The following MACROD2 variants were observed in gnomAD, a reference collection of about 807,000 sequenced individuals.
The protein encoded by MACROD2 is mono-ADP ribosylhydrolase 2.
A neutral mutation model predicts 70.4 loss-of-function variants in MACROD2; 36 were observed. The observed-to-expected ratio is 0.51, with a 90% confidence interval of 0.39 to 0.68. The LOEUF is 0.68. Among genes scored for constraint, MACROD2 ranks in the 30% least tolerant of loss-of-function variants. The probability of loss-of-function intolerance (pLI) is 0.00; values close to 1 mark genes in which losing one functional copy is unlikely to be tolerated. For synonymous variants in MACROD2, 172 were observed against 178.8 expected (o/e 0.96, Z 0.30); for missense variants, 496 against 538.4 (o/e 0.92, Z 0.78).
chr20:15,313,506 CAAAAAAAAA>C (rs11314563), intron 6 of MACROD2, among the ~76,000 whole-genome samples: 7 of 86,230 alleles, frequency 8.1e-5, no homozygotes, highest in Non-Finnish European at 1.4e-4. Flanking sequence ...GACTCCGTCT[CAAAAAAAAA>C]AAAAAAAAAA....
At chr20:14,066,873 G>A (rs1031167441) in intron 2 of MACROD2, among the ~76,000 whole-genome samples, 4 of 143,786 alleles carry the variant, frequency 2.8e-5, no homozygotes, top group African/African-American at 5.1e-5. Flanking sequence ...GAGCAGTGGC[G>A]CCGTCTTGGC....
intron 11 of MACROD2, among the ~76,000 whole-genome samples, chr20:15,935,459 T>A (rs751853709): frequency 9.9e-5 from 15 of 152,218 alleles, no homozygotes; most frequent in Non-Finnish European, 1.8e-4. Flanking sequence ...GATGTGGTTA[T>A]GGGTCGTTAA....
chr20:15,983,449 G>T (rs535016674), intron 13 of MACROD2, among the ~76,000 whole-genome samples: 8 of 152,232 alleles, frequency 5.3e-5, no homozygotes, highest in Non-Finnish European at 1.0e-4. Flanking sequence ...GATGAACAAC[G>T]GCTGACTGAT....
At chr20:14,971,735 G>T (rs2074693515) in intron 5 of MACROD2, among the ~76,000 whole-genome samples, 1 of 152,074 alleles carries the variant, frequency 6.6e-6, no homozygotes, top group Non-Finnish European at 1.5e-5. Flanking sequence ...GTTGGATCAG[G>T]TGTGACATTT....
chr20:15,028,550 G>C (rs1273614683), intron 5 of MACROD2, among the ~76,000 whole-genome samples: 1 of 152,130 alleles, frequency 6.6e-6, no homozygotes, highest in African/African-American at 2.4e-5. Context: ...ACTGCTCTGG[G>C]ATCTGTCCCT....
chr20:14,132,932 C>T (rs2054737567), intron 3 of MACROD2, among the ~76,000 whole-genome samples: 2 of 152,178 alleles, frequency 1.3e-5, no homozygotes, highest in African/African-American at 2.4e-5. Flanking sequence ...TGAGCCACTG[C>T]ACCTGGCCAG....
chr20:15,204,239 A>G (rs2076681910), intron 5 of MACROD2, among the ~76,000 whole-genome samples: 1 of 152,124 alleles, frequency 6.6e-6, no homozygotes, highest in East Asian at 1.9e-4. Flanking sequence ...AATGGCCCAA[A>G]TTTTCCACAC....
chr20:15,896,232 C>T (rs1224526888), intron 10 of MACROD2, among the ~76,000 whole-genome samples: 10 of 152,072 alleles, frequency 6.6e-5, no homozygotes, highest in Non-Finnish European at 4.4e-5. Context: ...CAGCTTAATG[C>T]CCCAACACTT....
chr20:14,668,435 C>G (rs2070759730), intron 4 of MACROD2, among the ~76,000 whole-genome samples: 1 of 152,104 alleles, frequency 6.6e-6, no homozygotes, highest in African/African-American at 2.4e-5. Flanking sequence ...AGAAGGGCAT[C>G]TTTGAAGGTC....
rs964046386 is a variant in MACROD2 at position 15,997,886 on chromosome 20, G to GT, written c.1153+10736dup. On this transcript the variant is annotated intron_variant, in intron 15 of 17. Coordinates refer to ENST00000684519, the MANE Select transcript of MACROD2 (RefSeq NM_001351661.2). ...TCCTCTTACACTCAAATTGTTGAGT[G>GT]TTTTTTTTCCTAATCATGAAAGAAT... is the stretch of plus-strand genomic sequence containing the variant. 8.6e-5 allele frequency among the ~76,000 whole-genome samples: 13 copies of GT among 151,834 alleles called. No homozygotes were observed. In the South Asian group the frequency reaches 2.1e-3, roughly 24 times the overall value.
intron 7 of MACROD2, among the ~76,000 whole-genome samples, chr20:15,471,826 G>C (rs1568832406): frequency 6.6e-6 from 1 of 151,708 alleles, no homozygotes; most frequent in Non-Finnish European, 1.5e-5. Context: ...TCTTTCTCCA[G>C]ATTGATGATC....
At chr20:14,546,319 G>A (rs1372067819) in intron 4 of MACROD2, among the ~76,000 whole-genome samples, 1 of 152,104 alleles carries the variant, frequency 6.6e-6, no homozygotes, top group Non-Finnish European at 1.5e-5. Context: ...ATATGCATGT[G>A]GTTGACTGGT....
At chr20:14,795,323 A>G (rs1328208606) in intron 5 of MACROD2, among the ~76,000 whole-genome samples, 2 of 152,142 alleles carry the variant, frequency 1.3e-5, no homozygotes, top group Non-Finnish European at 2.9e-5. Context: ...TGAGGAGAAG[A>G]AAGCCAGGAT....
chr20:14,022,350 C>T (rs2053095713), intron 2 of MACROD2, among the ~76,000 whole-genome samples: 1 of 151,706 alleles, frequency 6.6e-6, no homozygotes, highest in Non-Finnish European at 1.5e-5. Flanking sequence ...TCAGTTTTAT[C>T]ATGTATCATC....
At chr20:15,546,677 G>T (rs1009084524) in intron 8 of MACROD2, among the ~76,000 whole-genome samples, 2 of 152,130 alleles carry the variant, frequency 1.3e-5, no homozygotes, top group Non-Finnish European at 2.9e-5. Flanking sequence ...CTTCCCTTTT[G>T]TTCCCTCATG....
At chr20:14,899,246 G>A (rs2073867294) in intron 5 of MACROD2, among the ~76,000 whole-genome samples, 1 of 152,110 alleles carries the variant, frequency 6.6e-6, no homozygotes, top group Non-Finnish European at 1.5e-5. Flanking sequence ...ATTTTGCTAT[G>A]CTTTTTTAGT....
intron 4 of MACROD2, among the ~76,000 whole-genome samples, chr20:14,662,290 G>A (rs1044631345): frequency 5.3e-5 from 8 of 151,998 alleles, no homozygotes; most frequent in African/African-American, 1.9e-4. Flanking sequence ...GCCATATGCA[G>A]AAGATTGAAA....
intron 5 of MACROD2, among the ~76,000 whole-genome samples, chr20:15,160,663 C>G (rs1384345057): frequency 6.6e-6 from 1 of 152,088 alleles, no homozygotes; most frequent in Non-Finnish European, 1.5e-5. Flanking sequence ...GCCCCCAGTG[C>G]TTTTCAGTTT....
intron 5 of MACROD2, among the ~76,000 whole-genome samples, chr20:14,953,574 G>T (rs1304067162): frequency 6.6e-6 from 1 of 152,050 alleles, no homozygotes; most frequent in African/African-American, 2.4e-5. Context: ...CAAAGTTCAG[G>T]GATTACAGGC....
Sources: allele counts gnomAD v4.1 joint callset (sites outside exome capture counted in the v4.1 genomes callset), GRCh38; gene constraint gnomAD v4.1.1; transcripts MANE v1.5; gene names NCBI Gene and HGNC (gene_info 2026-07-23, HGNC 2026-07-21).